Variants in PCDH15 observed in about 807,000 individuals in gnomAD.
PCDH15 encodes protocadherin related 15.
In PCDH15, 129 loss-of-function variants were observed where a neutral mutation model predicts 178.5. The ratio of observed to expected loss-of-function variants is 0.72; its 90% CI spans 0.63 to 0.84. The LOEUF (loss-of-function observed/expected upper bound fraction) is 0.84. Ranked by LOEUF, PCDH15 falls within the 40% of genes least tolerant of loss-of-function variation. PCDH15 has a pLI of 0.00. For missense variants in PCDH15, 2,230 were observed against 2,099.9 expected (o/e 1.06, Z -1.21); for synonymous variants, 800 against 732.0 (o/e 1.09, Z -1.50).
chr10:54,737,952 C>T (rs1944328123), intron 1 of PCDH15, among the ~76,000 whole-genome samples: 1 of 151,950 alleles, frequency 6.6e-6, no homozygotes. Context: ...ACTCGGGTGG[C>T]CAGGGTAGGA....
At chr10:55,394,030 A>C (rs950687429) in intron 2 of PCDH15, among the ~76,000 whole-genome samples, 4 of 151,992 alleles carry the variant, frequency 2.6e-5, no homozygotes, top group Admixed American at 2.6e-4. Context: ...CCATTGTGTC[A>C]TAGGGACCCT....
chr10:54,930,924 G>A, intron 2 of PCDH15, among the ~76,000 whole-genome samples: 1 of 152,076 alleles, frequency 6.6e-6, no homozygotes, highest in Non-Finnish European at 1.5e-5. Flanking sequence ...GGCAATTTTT[G>A]TCTCTTATGA....
intron 5 of PCDH15, among the ~76,000 whole-genome samples, chr10:54,347,381 T>G (rs1451302604): frequency 1.3e-5 from 2 of 152,150 alleles, no homozygotes; most frequent in Non-Finnish European, 2.9e-5. Flanking sequence ...CCTTTTCTTG[T>G]GCTTGCATTT....
At chr10:54,241,779 T>C (rs930953860) in intron 8 of PCDH15, among the ~76,000 whole-genome samples, 2 of 151,908 alleles carry the variant, frequency 1.3e-5, no homozygotes, top group African/African-American at 4.8e-5. Context: ...TAGGTCCATA[T>C]AAAGAGATTC....
intron 2 of PCDH15, among the ~76,000 whole-genome samples, chr10:55,504,498 T>C (rs1458931072): frequency 6.6e-6 from 1 of 151,390 alleles, no homozygotes; most frequent in Admixed American, 6.6e-5. Flanking sequence ...TTAAGACATT[T>C]AGGTTTAATT....
At chr10:54,236,333 C>G (rs2054619263) in intron 9 of PCDH15, among the ~76,000 whole-genome samples, 1 of 151,870 alleles carries the variant, frequency 6.6e-6, no homozygotes, top group South Asian at 2.1e-4. Context: ...AAATATTTAC[C>G]AAAGGTTAAT....
At chr10:54,241,251 C>T (rs1037140165) in intron 8 of PCDH15, among the ~76,000 whole-genome samples, 2 of 152,162 alleles carry the variant, frequency 1.3e-5, no homozygotes, top group Non-Finnish European at 2.9e-5. Context: ...GTTGCTTATT[C>T]TCTGTCGTCC....
chr10:55,582,596 GTATA>G (rs56817323), intron 2 of PCDH15, among the ~76,000 whole-genome samples: 2,706 of 90,224 alleles, frequency 0.03, 76 homozygotes, highest in Non-Finnish European at 0.04. Flanking sequence ...ATGTGTATGT[GTATA>G]TATATATATA....
chr10:55,423,318 A>G (rs921039727), intron 2 of PCDH15, among the ~76,000 whole-genome samples: 1 of 152,068 alleles, frequency 6.6e-6, no homozygotes, highest in African/African-American at 2.4e-5. Flanking sequence ...AGTAGGATGC[A>G]CTGTAGGGTA....
At chr10:53,902,553 A>T (rs1448082234) in intron 26 of PCDH15, among the ~76,000 whole-genome samples, 5 of 152,176 alleles carry the variant, frequency 3.3e-5, no homozygotes, top group African/African-American at 1.2e-4. Context: ...AGTAAAATTC[A>T]ATCTTTAAAA....
At chr10:54,290,801 G>A (rs1216550332) in intron 8 of PCDH15, among the ~76,000 whole-genome samples, 2 of 152,190 alleles carry the variant, frequency 1.3e-5, no homozygotes, top group African/African-American at 4.8e-5. Context: ...GACAAAGAAG[G>A]CCATTACATA....
chr10:54,899,640 G>A (rs1303592228), intron 2 of PCDH15, among the ~76,000 whole-genome samples: 1 of 151,914 alleles, frequency 6.6e-6, no homozygotes, highest in Non-Finnish European at 1.5e-5. Context: ...GGGACTACAG[G>A]TGCCCACCAC....
intron 1 of PCDH15, among the ~76,000 whole-genome samples, chr10:55,185,009 T>C (rs2132138674): frequency 6.6e-6 from 1 of 152,032 alleles, no homozygotes; most frequent in South Asian, 2.1e-4. Context: ...TTATTAAGAA[T>C]TCCAATAGAA....
At chr10:54,754,316 GA>G (rs1946768558) in intron 1 of PCDH15, among the ~76,000 whole-genome samples, 1 of 152,094 alleles carries the variant, frequency 6.6e-6, no homozygotes, top group Non-Finnish European at 1.5e-5. Context: ...AGCCAAGGAT[GA>G]ATTGGTGCTA....
At chr10:55,179,941 A>C (rs1839596062) in intron 1 of PCDH15, among the ~76,000 whole-genome samples, 1 of 152,052 alleles carries the variant, frequency 6.6e-6, no homozygotes, top group Non-Finnish European at 1.5e-5. Context: ...AACTGTGCAT[A>C]GATGTGCCTA....
At chr10:54,285,693 T>C (rs1352386680) in intron 8 of PCDH15, among the ~76,000 whole-genome samples, 1 of 152,126 alleles carries the variant, frequency 6.6e-6, no homozygotes, top group Non-Finnish European at 1.5e-5. Context: ...AGAACTACCA[T>C]ATGATCCAGT....
In PCDH15 at chr10:54,431,140, C is replaced by T. The variant is rs1400602889; in HGVS notation, c.158-52198G>A. Among the ~76,000 whole-genome samples the T allele has an allele frequency of 2.0e-5, 3 of 152,114 alleles. No individual in the cohort carries two copies. In the South Asian group the frequency reaches 6.2e-4, roughly 32 times the overall value. On this transcript the variant is annotated intron_variant, in intron 3 of 37. Coordinates refer to ENST00000644397, the MANE Select transcript of PCDH15 (RefSeq NM_001384140.1). ...TAAAAACTATCCCGGTAAAGAAAAG[C>T]CCAGGACCCAATAGCTTCACTGCTG...
At chr10:55,096,292 G>A (rs1237012425) in intron 2 of PCDH15, among the ~76,000 whole-genome samples, 1 of 151,998 alleles carries the variant, frequency 6.6e-6, no homozygotes, top group Admixed American at 6.6e-5. Flanking sequence ...AACTCAATTG[G>A]TCTCTCCAAA....
chr10:54,142,457 C>A lies in PCDH15; in HGVS notation c.1785-9450G>T, dbSNP rs185150101. On this transcript the variant is annotated intron_variant, in intron 14 of 37. Transcript: ENST00000644397. The stretch of plus-strand genomic sequence containing the variant: ...TAAAACTATTCAATCCCTCTAGACC[C>A]AGGAACTATTGTGGAAACTGTAGGT... Among the ~76,000 whole-genome samples, 1,085 of 152,176 alleles carry A rather than the reference C, an allele frequency of 7.1e-3. 38 individuals are homozygous for A. The highest frequency in any genetic ancestry group is 0.062 in the Admixed American group (943 of 15,274).
Sources: allele counts gnomAD v4.1 joint callset (sites outside exome capture counted in the v4.1 genomes callset), GRCh38; gene constraint gnomAD v4.1.1; transcripts MANE v1.5; gene names NCBI Gene and HGNC (gene_info 2026-07-23, HGNC 2026-07-21).